PCDHB2: variants seen among roughly 807,000 people sequenced by gnomAD.
PCDHB2 encodes protocadherin beta-2.
For synonymous variants in PCDHB2, 395 were observed against 464.9 expected, an observed-to-expected ratio of 0.85 and a Z score of 1.93; for missense variants, 914 against 1,023.1, an observed-to-expected ratio of 0.89 and a Z score of 1.45.
Position 141,095,002 on chromosome 5 carries a change from A to G in PCDHB2, c.212A>G (p.Lys71Arg), listed in dbSNP as rs1751770479. 1 of 1,612,848 alleles carries G rather than the reference A, an allele frequency of 6.2e-7. No individual in the cohort carries two copies. Among genetic ancestry groups the G allele is most frequent in the Non-Finnish European group, 8.5e-7 (1 of 1,179,550 alleles). The change falls in exon 1 of 1, where the codon AAA becomes AGA. Residue 71 changes from lysine to arginine, a missense_variant. Transcript: ENST00000194155. ...GTGAGGGGGGCCAGGGTCGTTTCCA[A>G]AGGAAAAAAAATGCATTTGCAGTTC... Reference protein sequence around the residue: ...LAVRGARVVSKGKKMHLQFDR... With the variant: ...LAVRGARVVSRGKKMHLQFDR...
In PCDHB2 at chr5:141,095,522, T is replaced by G. The variant is rs1554271270; in HGVS notation, c.732T>G (p.Phe244Leu). 2 of 1,613,892 alleles carry G rather than the reference T, an allele frequency of 1.2e-6. No homozygotes were observed. The highest frequency in any genetic ancestry group is 1.1e-5 in the South Asian group (1 of 91,074). Residue 244 changes from phenylalanine (F) to leucine (L), a missense_variant, in exon 1 of 1, where the codon TTT becomes TTG. By Grantham distance (22) the Phe-to-Leu change is conservative (BLOSUM62 0). Coordinates refer to ENST00000194155, the MANE Select transcript of PCDHB2 (RefSeq NM_018936.4). Reference protein sequence around the residue: ...VVDINDNVPEFAKLLYEVQIP... With the variant: ...VVDINDNVPELAKLLYEVQIP... Reference sequence around the variant, plus strand: ...ACATCAATGACAACGTCCCAGAGTTTGCAAAGCTGCTCTATGAGGTGCAGA... The same window carrying G: ...ACATCAATGACAACGTCCCAGAGTTGGCAAAGCTGCTCTATGAGGTGCAGA...
chr5:141,096,271 C>T lies in PCDHB2; in HGVS notation c.1481C>T (p.Pro494Leu), dbSNP rs200336950. The T allele has an allele frequency of 1.9e-6, 3 of 1,613,114 alleles. No individual in the cohort carries two copies. Among genetic ancestry groups the T allele is most frequent in the African/African-American group, 1.3e-5 (1 of 74,928 alleles). ...TNAQVTYSLL[P>L]PQDPHLPLAS... ...GCCCAGGTCACCTACTCGCTGCTGC[C>T]GCCCCAGGACCCGCACCTGCCCCTC... Residue 494 changes from proline to leucine, a missense_variant, in exon 1 of 1, where the codon CCG (proline) becomes CTG (leucine). Physicochemically the swap from Pro to Leu is moderately conservative, Grantham distance 98. Coordinates refer to ENST00000194155, the MANE Select transcript of PCDHB2 (RefSeq NM_018936.4).
At position 141,096,341 on chromosome 5, in the gene PCDHB2, T is replaced by G; in HGVS notation, c.1551T>G (p.Ala517=). ...SINADNGHLF[A]LQSLDYEALQ... is the part of the protein sequence containing the mutation. ...ACGCGGACAACGGCCACCTGTTCGC[T>G]CTCCAGTCGCTGGACTACGAGGCCC... The change falls in exon 1 of 1, where the codon GCT becomes GCG. Residue 517 remains alanine, a synonymous_variant. Coordinates refer to ENST00000194155, the MANE Select transcript of PCDHB2 (RefSeq NM_018936.4). The G allele has an allele frequency of 6.2e-7, 1 of 1,612,724 alleles. No homozygotes were observed. Among genetic ancestry groups the G allele is most frequent in the Non-Finnish European group, 8.5e-7 (1 of 1,179,768 alleles).
rs368741495 is a variant in PCDHB2 at position 141,094,623 on chromosome 5, A to T, written c.-168A>T. The T allele has an allele frequency of 1.9e-6, 1 of 521,336 alleles. No homozygotes were observed. The highest frequency in any genetic ancestry group is 1.9e-5 in the African/African-American group (1 of 52,138). The allele number at this position is 521,336 out of a possible 1,614,324, so 32.3% of individuals were successfully genotyped here. On this transcript the variant is annotated 5_prime_UTR_variant, in exon 1 of 1. Coordinates refer to ENST00000194155, the MANE Select transcript of PCDHB2 (RefSeq NM_018936.4). The stretch of plus-strand genomic sequence containing the variant: ...CCGACGCTCCCTTACCCAGATACTC[A>T]GCTAAAGAAGCAGCAAGCAGGAAGA...
chr5:141,095,937 A>G lies in PCDHB2; in HGVS notation c.1147A>G (p.Met383Val). 6.2e-7 allele frequency: 1 copy of G among 1,614,160 alleles called. No homozygotes were observed. Among genetic ancestry groups the G allele is most frequent in the Non-Finnish European group, 8.5e-7 (1 of 1,180,034 alleles). ...TCCTGACTCCGGAGACAACGGAAGG[A>G]TGGTGTGCTCCATCCAAGATGATCT... ...SDPDSGDNGR[M>V]VCSIQDDLPF... Residue 383 changes from methionine to valine, a missense_variant, in exon 1 of 1, where the codon ATG becomes GTG. Transcript: ENST00000194155.
At position 141,094,658 on chromosome 5, in the gene PCDHB2, C is replaced by G. The variant is rs1751759318; in HGVS notation, c.-133C>G. 1 of 657,884 alleles carries G rather than the reference C, an allele frequency of 1.5e-6. No homozygotes were observed. Among genetic ancestry groups the G allele is most frequent in the Non-Finnish European group, 2.5e-6 (1 of 401,206 alleles). 40.8% of individuals were successfully genotyped at this position (657,884 alleles called of 1,614,324 possible). ...GCAGCAAGCAGGAAGAGGAGGCTTT[C>G]TAAGGCGGTCGCTCCGGGAAATCCG... On this transcript the variant is annotated 5_prime_UTR_variant, in exon 1 of 1. Transcript: ENST00000194155.
At position 141,095,525 on chromosome 5, in the gene PCDHB2, A is replaced by G; in HGVS notation, c.735A>G (p.Ala245=). The change falls in exon 1 of 1, where the codon GCA becomes GCG. Residue 245 remains alanine, a synonymous_variant. Transcript: ENST00000194155. ...VDINDNVPEF[A]KLLYEVQIPE... Reference sequence around the variant, plus strand: ...TCAATGACAACGTCCCAGAGTTTGCAAAGCTGCTCTATGAGGTGCAGATCC... The same window carrying G: ...TCAATGACAACGTCCCAGAGTTTGCGAAGCTGCTCTATGAGGTGCAGATCC... The G allele has an allele frequency of 1.2e-6, 2 of 1,614,028 alleles. No homozygotes were observed. Among genetic ancestry groups the G allele is most frequent in the Non-Finnish European group, 1.7e-6 (2 of 1,179,932 alleles).
chr5:141,096,578 C>T lies in PCDHB2; in HGVS notation c.1788C>T (p.Gly596=), dbSNP rs200769489. The T allele has an allele frequency of 9.3e-6, 15 of 1,605,668 alleles. No individual in the cohort carries two copies. Among genetic ancestry groups the T allele is most frequent in the Middle Eastern group, 2.3e-4 (1 of 4,426 alleles). Residue 596 remains glycine, a synonymous_variant, in exon 1 of 1, where the codon GGC becomes GGT. Transcript: ENST00000194155. The part of the protein sequence containing the change: ...YLVTKVVAVD[G]DSGQNAWLSY... ...TGACCAAGGTGGTGGCGGTGGACGG[C>T]GACTCGGGCCAGAACGCCTGGCTGT...
At position 141,096,635 on chromosome 5, in the gene PCDHB2, G is replaced by C. The variant is rs782443042; in HGVS notation, c.1845G>C (p.Gly615=). ...SYQLLKATEP[G]LFGVWAHNGE... ...AGCTGCTCAAGGCCACGGAGCCCGG[G>C]CTGTTCGGCGTGTGGGCGCACAATG... Residue 615 remains glycine, a synonymous_variant, in exon 1 of 1, where the codon GGG becomes GGC. Transcript: ENST00000194155. 2 of 1,608,330 alleles carry C rather than the reference G, an allele frequency of 1.2e-6. No homozygotes were observed. Among genetic ancestry groups the C allele is most frequent in the East Asian group, 2.2e-5 (1 of 44,870 alleles).
In PCDHB2 at chr5:141,095,122, T is replaced by TA. The variant is rs782067581; in HGVS notation, c.333dup (p.Leu112ThrfsTer15). ...CCCTGTGTCCTACCTTTCCAGGTGT[T>TA]ACTAGAAAATCCCTTGCAGTTTTTT... On this transcript the variant is annotated frameshift_variant, in exon 1 of 1. Coordinates refer to ENST00000194155, the MANE Select transcript of PCDHB2 (RefSeq NM_018936.4). LOFTEE classifies it low-confidence loss of function (END_TRUNC). The TA allele has an allele frequency of 3.1e-6, 5 of 1,613,896 alleles. No individual in the cohort carries two copies. Among genetic ancestry groups the TA allele is most frequent in the Non-Finnish European group, 4.2e-6 (5 of 1,179,900 alleles).
rs1751805534 is a variant in PCDHB2 at position 141,095,973 on chromosome 5, T to C, written c.1183T>C (p.Leu395=). 3 of 1,614,144 alleles carry C rather than the reference T, an allele frequency of 1.9e-6. No homozygotes were observed. Among genetic ancestry groups the C allele is most frequent in the Non-Finnish European group, 2.5e-6 (3 of 1,180,030 alleles). The change falls in exon 1 of 1, where the codon TTG becomes CTG. Residue 395 remains leucine (L), a synonymous_variant. Transcript: ENST00000194155. ...CATCCAAGATGATCTTCCTTTTTTC[T>C]TGAAACCTTCTGTTGAGAACTTTTA... The part of the protein sequence containing the change: ...CSIQDDLPFF[L]KPSVENFYTL...
rs1554271154 is a variant in PCDHB2, at chr5:141,095,078, G to A, written c.288G>A (p.Glu96=). The part of the protein sequence containing the change: ...LLLNEKLDRE[E]LCGPTEPCVL... ...TAAATGAGAAATTGGACCGGGAGGA[G>A]CTGTGCGGCCCCACAGAGCCCTGTG... Residue 96 remains glutamate, a synonymous_variant, in exon 1 of 1, where the codon GAG becomes GAA. Coordinates refer to ENST00000194155, the MANE Select transcript of PCDHB2 (RefSeq NM_018936.4). 6.2e-7 allele frequency: 1 copy of A among 1,614,174 alleles called. No homozygotes were observed. Among genetic ancestry groups the A allele is most frequent in the Non-Finnish European group, 8.5e-7 (1 of 1,180,044 alleles).
Position 141,095,317 on chromosome 5 carries a change from C to A in PCDHB2, c.527C>A (p.Pro176His), listed in dbSNP as rs1751783815. 2 of 1,613,736 alleles carry A rather than the reference C, an allele frequency of 1.2e-6. No individual in the cohort carries two copies. The highest frequency in any genetic ancestry group is 2.2e-5 in the East Asian group (1 of 44,888). ...TNSLQNYTIS[P>H]NFHFHLNLQD... is the part of the protein sequence containing the mutation. ...AGTCTCCAAAATTACACAATCAGTC[C>A]CAATTTCCACTTTCATCTTAATTTA... is the stretch of plus-strand genomic sequence containing the variant. The change falls in exon 1 of 1, where the codon CCC becomes CAC. Residue 176 changes from proline to histidine, a missense_variant. By Grantham distance (77) the Pro-to-His change is moderately conservative. Transcript: ENST00000194155.
In PCDHB2 at chr5:141,096,575, C is replaced by T; in HGVS notation, c.1785C>T (p.Asp595=). Residue 595 remains aspartate, a synonymous_variant, in exon 1 of 1, where the codon GAC becomes GAT. Transcript: ENST00000194155. ...GYLVTKVVAV[D]GDSGQNAWLS... ...TGGTGACCAAGGTGGTGGCGGTGGACGGCGACTCGGGCCAGAACGCCTGGC... is the reference window on the plus strand; with the variant it reads ...TGGTGACCAAGGTGGTGGCGGTGGATGGCGACTCGGGCCAGAACGCCTGGC... The T allele has an allele frequency of 3.1e-6, 5 of 1,605,860 alleles. No individual in the cohort carries two copies. The highest frequency in any genetic ancestry group is 4.2e-6 in the Non-Finnish European group (5 of 1,178,414).
Position 141,096,576 on chromosome 5 carries a change from G to T in PCDHB2, c.1786G>T (p.Gly596Cys). 1 of 1,597,742 alleles carries T rather than the reference G, an allele frequency of 6.3e-7. No individual in the cohort carries two copies. The highest frequency in any genetic ancestry group is 8.5e-7 in the Non-Finnish European group (1 of 1,172,574). Residue 596 changes from glycine to cysteine, a missense_variant, in exon 1 of 1, where the codon GGC (glycine) becomes TGC (cysteine). Gly to Cys is a radical substitution (Grantham distance 159). Coordinates refer to ENST00000194155, the MANE Select transcript of PCDHB2 (RefSeq NM_018936.4). ...YLVTKVVAVD[G>C]DSGQNAWLSY... ...GGTGACCAAGGTGGTGGCGGTGGAC[G>T]GCGACTCGGGCCAGAACGCCTGGCT...
In PCDHB2 at chr5:141,097,068, G is replaced by T. The variant is rs1201201186; in HGVS notation, c.2278G>T (p.Gly760Cys). The part of the protein sequence containing the change: ...SYQYEVCLTG[G>C]SGTNEFKFLK... Reference sequence around the variant, plus strand: ...CCAGTACGAGGTGTGTCTGACTGGAGGCTCCGGGACAAATGAGTTCAAGTT... The same window carrying T: ...CCAGTACGAGGTGTGTCTGACTGGATGCTCCGGGACAAATGAGTTCAAGTT... Residue 760 changes from glycine to cysteine, a missense_variant, in exon 1 of 1, where the codon GGC (glycine) becomes TGC (cysteine). Physicochemically the swap from Gly to Cys is radical, Grantham distance 159 (BLOSUM62 -3). Coordinates refer to ENST00000194155, the MANE Select transcript of PCDHB2 (RefSeq NM_018936.4). 50 of 1,613,446 alleles carry T rather than the reference G, an allele frequency of 3.1e-5. No homozygotes were observed. The highest frequency in any genetic ancestry group is 4.0e-5 in the Non-Finnish European group (47 of 1,179,626).
At position 141,096,057 on chromosome 5, in the gene PCDHB2, A is replaced by G; in HGVS notation, c.1267A>G (p.Ile423Val). The change falls in exon 1 of 1, where the codon ATC becomes GTC. Residue 423 changes from isoleucine to valine, a missense_variant. By Grantham distance (29) the Ile-to-Val change is conservative. Coordinates refer to ENST00000194155, the MANE Select transcript of PCDHB2 (RefSeq NM_018936.4). ...RETRSEYNITITVTDFGTPRL... is the reference protein window; with the variant it reads ...RETRSEYNITVTVTDFGTPRL... ...GACCAGATCCGAATACAACATCACC[A>G]TCACCGTCACCGACTTCGGGACACC... The G allele has an allele frequency of 1.9e-6, 3 of 1,614,168 alleles. No homozygotes were observed. The highest frequency in any genetic ancestry group is 2.5e-6 in the Non-Finnish European group (3 of 1,180,032).
Position 141,094,812 on chromosome 5 carries a change from G to C in PCDHB2, c.22G>C (p.Glu8Gln), listed in dbSNP as rs781897730. The change falls in exon 1 of 1, where the codon GAG becomes CAG. Residue 8 changes from glutamate (E) to glutamine (Q), a missense_variant. Glu to Gln is a conservative substitution (Grantham distance 29). Coordinates refer to ENST00000194155, the MANE Select transcript of PCDHB2 (RefSeq NM_018936.4). MEAGEGKERVPKQRQVLI... is the reference protein window; with the variant it reads MEAGEGKQRVPKQRQVLI... The stretch of plus-strand genomic sequence containing the variant: ...AGCAATGGAGGCCGGAGAGGGGAAG[G>C]AGCGCGTTCCGAAACAAAGGCAAGT... 1 of 1,571,006 alleles carries C rather than the reference G, an allele frequency of 6.4e-7. No homozygotes were observed. Among genetic ancestry groups the C allele is most frequent in the Non-Finnish European group, 8.6e-7 (1 of 1,159,606 alleles).
At position 141,098,672 on chromosome 5, in the gene PCDHB2, T is replaced by C. The variant is rs1269388174; in HGVS notation, c.*1485T>C. 2 of 152,230 alleles carry C rather than the reference T, an allele frequency of 1.3e-5. No homozygotes were observed. Among genetic ancestry groups the C allele is most frequent in the Non-Finnish European group, 2.9e-5 (2 of 68,040 alleles). 9.4% of individuals were successfully genotyped at this position (152,230 alleles called of 1,614,324 possible). On this transcript the variant is annotated 3_prime_UTR_variant, in exon 1 of 1. Transcript: ENST00000194155. Reference sequence around the variant, plus strand: ...AAGTATTTTACCTGTGATATATTGATATTTAAATAAACTAGAACACTTAAA... The same window carrying C: ...AAGTATTTTACCTGTGATATATTGACATTTAAATAAACTAGAACACTTAAA...
Sources: allele counts gnomAD v4.1 joint callset, GRCh38; gene constraint gnomAD v4.1.1; transcripts MANE v1.5; gene names NCBI Gene and HGNC (gene_info 2026-07-23, HGNC 2026-07-21).